Variants in VPS41 observed in about 807,000 individuals in gnomAD.
VPS41 encodes vacuolar protein sorting-associated protein 41 homolog.
In VPS41, 85 loss-of-function variants were observed where a neutral mutation model predicts 130.9. The ratio of observed to expected loss-of-function variants is 0.65; its 90% CI spans 0.55 to 0.78. VPS41 has a LOEUF of 0.78. Among genes scored for constraint, VPS41 ranks in the 30% least tolerant of loss-of-function variants. The pLI, the probability that VPS41 is intolerant of heterozygous loss-of-function variation, is 0.00. For synonymous variants in VPS41, 335 were observed against 332.9 expected (o/e 1.01, Z -0.07); for missense variants, 874 against 1,018.7 (o/e 0.86, Z 1.93).
In VPS41 at chr7:38,724,604, C is replaced by CTTTTTTTTTTTTTTTTTTTTT; in HGVS notation, c.*1641_*1642insAAAAAAAAAAAAAAAAAAAAA. Reference sequence around the variant, plus strand: ...CCTATGATTTCTTTTCTTTTCTTTTCTTTTTTGAGACGGAGTTTTGCTCTT... The same window carrying CTTTTTTTTTTTTTTTTTTTTT: ...CCTATGATTTCTTTTCTTTTCTTTTCTTTTTTTTTTTTTTTTTTTTTTTTTTTGAGACGGAGTTTTGCTCTT... On this transcript the variant is annotated 3_prime_UTR_variant, in exon 29 of 29. Transcript: ENST00000310301. 2 of 148,516 alleles carry CTTTTTTTTTTTTTTTTTTTTT rather than the reference C, an allele frequency of 1.3e-5. 1 individual carries two copies. The highest frequency in any genetic ancestry group is 4.0e-4 in the East Asian group (2 of 4,948). 9.2% of individuals were successfully genotyped at this position (148,516 alleles called of 1,614,324 possible).
chr7:38,820,343 C>T (rs1785147745), intron 6 of VPS41, among the ~76,000 whole-genome samples: 2 of 152,130 alleles, frequency 1.3e-5, no homozygotes, highest in Non-Finnish European at 2.9e-5. Flanking sequence ...TTAAAACATA[C>T]ATCAGACCCT....
chr7:38,859,470 T>A lies in VPS41; in HGVS notation c.246+3075A>T, dbSNP rs148951347. Among the ~76,000 whole-genome samples the A allele has an allele frequency of 3.5e-4, 54 of 152,270 alleles. No homozygotes were observed. The East Asian group carries it at 0.01, about 29-fold the overall frequency. Reference sequence around the variant, plus strand: ...ATGATAAGTCTCCTGTACAGATGTATCATTTGTCATCTTTTATACCATATT... The same window carrying A: ...ATGATAAGTCTCCTGTACAGATGTAACATTTGTCATCTTTTATACCATATT... On this transcript the variant is annotated intron_variant, in intron 4 of 28. Coordinates refer to ENST00000310301, the MANE Select transcript of VPS41 (RefSeq NM_014396.4).
intron 10 of VPS41, among the ~76,000 whole-genome samples, chr7:38,777,927 T>TA (rs1193682262): frequency 6.6e-6 from 1 of 152,176 alleles, no homozygotes; most frequent in East Asian, 1.9e-4. Context: ...ACAGATGAAA[T>TA]ACTGAATTTT....
chr7:38,827,086 G>A (rs1311167008), intron 5 of VPS41, among the ~76,000 whole-genome samples: 1 of 152,112 alleles, frequency 6.6e-6, no homozygotes, highest in Non-Finnish European at 1.5e-5. Flanking sequence ...CCAAAGTGCT[G>A]GGATTACAGG....
At chr7:38,852,140 A>G (rs1387739402) in intron 4 of VPS41, among the ~76,000 whole-genome samples, 3 of 152,196 alleles carry the variant, frequency 2.0e-5, no homozygotes, top group African/African-American at 7.2e-5. Context: ...GCATGCCCAG[A>G]TGAACCAAGC....
intron 4 of VPS41, among the ~76,000 whole-genome samples, chr7:38,843,296 A>C (rs1414305650): frequency 6.6e-6 from 1 of 152,172 alleles, no homozygotes; most frequent in African/African-American, 2.4e-5. Context: ...TGCGGCAATC[A>C]TGTCCCCGTG....
At chr7:38,728,818 C>T (rs766222886) in intron 25 of VPS41, 27 bp from the exon 26 acceptor site, 83 of 1,604,916 alleles carry the variant, frequency 5.2e-5, no homozygotes, top group Admixed American at 8.3e-5. Flanking sequence ...AAAAGAAAAG[C>T]CATCTTAAGT....
intron 7 of VPS41, among the ~76,000 whole-genome samples, chr7:38,809,829 T>A (rs1477489222): frequency 2.0e-5 from 3 of 152,134 alleles, no homozygotes; most frequent in Admixed American, 2.0e-4. Context: ...GTCAAAGTAG[T>A]AGAACCAGTT....
intron 7 of VPS41, among the ~76,000 whole-genome samples, chr7:38,804,507 T>C (rs73113701): frequency 0.025 from 3,763 of 152,290 alleles, 69 homozygotes; most frequent in Non-Finnish European, 0.038. Context: ...GAAACCTATA[T>C]AGACAGACCA....
intron 5 of VPS41, among the ~76,000 whole-genome samples, chr7:38,821,828 C>T (rs1273064740): frequency 6.6e-6 from 1 of 152,042 alleles, no homozygotes; most frequent in Non-Finnish European, 1.5e-5. Flanking sequence ...CTTCAATCAC[C>T]ACAAATTGTA....
chr7:38,830,103 T>G (rs925185473), intron 5 of VPS41, 151 bp downstream of exon 5: 4 of 651,734 alleles, frequency 6.1e-6, no homozygotes, highest in Non-Finnish European at 5.5e-6. Flanking sequence ...AAATATATTT[T>G]ACTTCAATTA....
intron 17 of VPS41, among the ~76,000 whole-genome samples, chr7:38,760,477 T>C (rs1041441441): frequency 1.3e-5 from 2 of 152,144 alleles, no homozygotes; most frequent in Admixed American, 6.5e-5. Context: ...CTTCTCTCTT[T>C]TTACATGTAA....
intron 28 of VPS41, 56 bp from the exon 29 acceptor site, chr7:38,726,382 C>T (rs1795545162): frequency 2.1e-6 from 3 of 1,399,466 alleles, no homozygotes; most frequent in South Asian, 1.2e-5. Flanking sequence ...TTTCTACTCT[C>T]ATATTCAGAA....
intron 10 of VPS41, 84 bp from the exon 11 acceptor site, chr7:38,776,860 C>T: frequency 3.0e-6 from 2 of 675,646 alleles, no homozygotes; most frequent in South Asian, 4.0e-5. Flanking sequence ...ACTGTGAATG[C>T]TAGTGGACCC....
At chr7:38,752,809 C>T (rs761210632) in intron 21 of VPS41, among the ~76,000 whole-genome samples, 2 of 152,158 alleles carry the variant, frequency 1.3e-5, no homozygotes, top group Non-Finnish European at 2.9e-5. Flanking sequence ...AGTCCTGGGA[C>T]AAGCACATAT....
chr7:38,862,075 T>C (rs924589850), intron 4 of VPS41, among the ~76,000 whole-genome samples: 4 of 151,982 alleles, frequency 2.6e-5, no homozygotes, highest in Non-Finnish European at 5.9e-5. Flanking sequence ...AATGAGGGAG[T>C]TCATACTTTA....
At chr7:38,796,153 T>G (rs1005344123) in intron 8 of VPS41, among the ~76,000 whole-genome samples, 2 of 152,192 alleles carry the variant, frequency 1.3e-5, no homozygotes, top group African/African-American at 4.8e-5. Flanking sequence ...CTAGGCAGAT[T>G]TCTACCATTT....
rs1795469770 is a variant in VPS41 at position 38,723,105 on chromosome 7, G to T, written c.*3141C>A. 1 of 152,186 alleles carries T rather than the reference G, an allele frequency of 6.6e-6. No homozygotes were observed. Among genetic ancestry groups the T allele is most frequent in the Non-Finnish European group, 1.5e-5 (1 of 68,042 alleles). The allele number at this position is 152,186 out of a possible 1,614,324, so 9.4% of individuals were successfully genotyped here. A position where few individuals can be genotyped will look rare whatever the true frequency, so the allele number is the denominator to read the frequency against. On this transcript the variant is annotated 3_prime_UTR_variant, in exon 29 of 29. Coordinates refer to ENST00000310301, the MANE Select transcript of VPS41 (RefSeq NM_014396.4). ...TAAGTAGAAGTGGATCATCATAAGT[G>T]TTTCATCTCTGTCGTCTTCATACTG...
intron 25 of VPS41, among the ~76,000 whole-genome samples, chr7:38,741,588 T>C (rs1325065274): frequency 6.6e-6 from 1 of 152,220 alleles, no homozygotes; most frequent in Non-Finnish European, 1.5e-5. Context: ...AACATTTTTG[T>C]TAATTCCCTC....
Sources: gnomAD v4.1 joint callset for allele counts (sites outside exome capture counted in the v4.1 genomes callset) on GRCh38, gnomAD v4.1.1 for gene constraint, MANE v1.5 for transcripts, NCBI Gene and HGNC (gene_info 2026-07-23, HGNC 2026-07-21) for gene names.